The following ZBTB44 variants were observed in gnomAD, a reference collection of about 807,000 sequenced individuals.
The protein encoded by ZBTB44 is zinc finger and BTB domain containing 44, also known as zinc finger and BTB domain-containing protein 44.
Under a neutral mutation model 54.0 loss-of-function variants are expected in ZBTB44, and 15 were observed. That is an observed-to-expected ratio of 0.28 (90% CI 0.19 to 0.43). The LOEUF is 0.43. Ranked by LOEUF, ZBTB44 falls within the 20% of genes least tolerant of loss-of-function variation. ZBTB44 has a pLI of 1.00. For synonymous variants in ZBTB44, 230 were observed against 250.1 expected, an observed-to-expected ratio of 0.92 and a Z score of 0.76; for missense variants, 487 against 707.1, an observed-to-expected ratio of 0.69 and a Z score of 3.53.
chr11:130,283,236 C>T (rs1326177474), intron 1 of ZBTB44, among the ~76,000 whole-genome samples: 2 of 151,482 alleles, frequency 1.3e-5, no homozygotes, highest in African/African-American at 2.4e-5. Flanking sequence ...AGTAGAGAGG[C>T]GGTTTTGCCA....
chr11:130,274,682 G>A lies in ZBTB44; in HGVS notation c.-56-12753C>T, dbSNP rs529880316. 4.6e-5 allele frequency among the ~76,000 whole-genome samples: 7 copies of A among 152,022 alleles called. No individual in the cohort carries two copies. In the East Asian group the frequency reaches 1.2e-3, roughly 25 times the overall value. On this transcript the variant is annotated intron_variant, in intron 1 of 7. Coordinates refer to ENST00000357899, the MANE Select transcript of ZBTB44 (RefSeq NM_001301098.2). ...TAATTTTAAATGTTGAACTAGCCTT[G>A]GCAACCTGGAAAAAATCCCAGTTGA...
rs1277859788 is a variant in ZBTB44 at position 130,295,746 on chromosome 11, GC to G, written c.-57+18628del. 2.0e-5 allele frequency: 30 copies of G among 1,532,384 alleles called. No homozygotes were observed. The Admixed American group carries it at 4.9e-4, about 25-fold the overall frequency. 94.9% of individuals were successfully genotyped at this position (1,532,384 alleles called of 1,614,324 possible). On this transcript the variant is annotated intron_variant, in intron 1 of 7. Coordinates refer to ENST00000357899, the MANE Select transcript of ZBTB44 (RefSeq NM_001301098.2). ...AAAAACAGGCAGTGGTAAAACCCTG[GC>G]TTTTCTCAAACCTGCAGTAGAACTC...
At position 130,314,825 on chromosome 11, in the gene ZBTB44, G is replaced by C. The variant is rs1190296332; in HGVS notation, c.-507C>G. The C allele has an allele frequency of 6.9e-5, 4 of 57,722 alleles. No homozygotes were observed. Among genetic ancestry groups the C allele is most frequent in the African/African-American group, 2.3e-4 (3 of 13,098 alleles). The allele number at this position is 57,722 out of a possible 1,614,324, so 3.6% of individuals were successfully genotyped here. On this transcript the variant is annotated 5_prime_UTR_variant, in exon 1 of 8. Coordinates refer to ENST00000357899, the MANE Select transcript of ZBTB44 (RefSeq NM_001301098.2). Reference sequence around the variant, plus strand: ...GGGAGGGGAGGGGGAGGTTGGGAGGGAGCCGCCGCCGCGCGCGTGCGGCCG... The same window carrying C: ...GGGAGGGGAGGGGGAGGTTGGGAGGCAGCCGCCGCCGCGCGCGTGCGGCCG...
chr11:130,265,534 T>C (rs151184334), intron 1 of ZBTB44, among the ~76,000 whole-genome samples: 1 of 152,188 alleles, frequency 6.6e-6, no homozygotes, highest in African/African-American at 2.4e-5. Flanking sequence ...GGAAGGCATG[T>C]TGAGAGCTGA....
At position 130,273,246 on chromosome 11, in the gene ZBTB44, A is replaced by G. The variant is rs185621953; in HGVS notation, c.-56-11317T>C. 2.0e-5 allele frequency among the ~76,000 whole-genome samples: 3 copies of G among 151,430 alleles called. No individual in the cohort carries two copies. In the East Asian group the frequency reaches 5.8e-4, roughly 29 times the overall value. On this transcript the variant is annotated intron_variant, in intron 1 of 7. Coordinates refer to ENST00000357899, the MANE Select transcript of ZBTB44 (RefSeq NM_001301098.2). ...CAGCCATGTTGTAAGTTTTCAGAGT[A>G]TGAGTTTTTCTTTGTTAAATTTATT...
At chr11:130,295,845 A>C (rs968914129) in intron 1 of ZBTB44, 4 of 1,400,674 alleles carry the variant, frequency 2.9e-6, no homozygotes, top group Non-Finnish European at 3.0e-6. Context: ...TAGCCATGCA[A>C]ATTTTTGGTG....
Position 130,231,082 on chromosome 11 carries a change from G to A in ZBTB44, c.*682C>T, listed in dbSNP as rs1283189098. On this transcript the variant is annotated 3_prime_UTR_variant, in exon 8 of 8. Transcript: ENST00000357899. ...GGAATATTTATGTTTAGTTACACTGGTAATTTCTAATGAATGGGATAATAT... is the reference window on the plus strand; with the variant it reads ...GGAATATTTATGTTTAGTTACACTGATAATTTCTAATGAATGGGATAATAT... The A allele has an allele frequency of 6.6e-6, 1 of 152,050 alleles. No homozygotes were observed. Among genetic ancestry groups the A allele is most frequent in the African/African-American group, 2.4e-5 (1 of 41,424 alleles). The allele number at this position is 152,050 out of a possible 1,614,324, so 9.4% of individuals were successfully genotyped here. A position where few individuals can be genotyped will look rare whatever the true frequency, so the allele number is the denominator to read the frequency against.
intron 2 of ZBTB44, among the ~76,000 whole-genome samples, chr11:130,240,329 C>A (rs1014569142): frequency 6.6e-6 from 1 of 151,870 alleles, no homozygotes; most frequent in East Asian, 1.9e-4. Context: ...CGTGAGCCAC[C>A]GCACCCAGCC....
intron 1 of ZBTB44, chr11:130,295,790 C>A: frequency 7.0e-7 from 1 of 1,438,722 alleles, no homozygotes; most frequent in Non-Finnish European, 9.8e-7. Flanking sequence ...AAATTCATGC[C>A]CAGGAATGCA....
At chr11:130,253,893 G>A (rs1408899542) in intron 2 of ZBTB44, among the ~76,000 whole-genome samples, 1 of 152,178 alleles carries the variant, frequency 6.6e-6, no homozygotes, top group Admixed American at 6.5e-5. Flanking sequence ...GACCAGAACA[G>A]AGCCCTCAGA....
intron 1 of ZBTB44, among the ~76,000 whole-genome samples, chr11:130,266,044 C>A (rs925621869): frequency 1.3e-5 from 2 of 152,204 alleles, no homozygotes; most frequent in African/African-American, 4.8e-5. Flanking sequence ...AGGAATTTCA[C>A]AGCTAGAGAG....
At chr11:130,286,638 C>T (rs944153145) in intron 1 of ZBTB44, among the ~76,000 whole-genome samples, 6 of 152,218 alleles carry the variant, frequency 3.9e-5, no homozygotes, top group African/African-American at 4.8e-5. Context: ...TGACAGATTT[C>T]TTCACCTCAT....
At chr11:130,234,858 G>C (rs540139751) in intron 5 of ZBTB44, among the ~76,000 whole-genome samples, 3 of 152,124 alleles carry the variant, frequency 2.0e-5, no homozygotes, top group African/African-American at 7.2e-5. Flanking sequence ...CTTGAGATTG[G>C]TTATGTGATA....
chr11:130,235,849 A>G (rs1248480085), intron 5 of ZBTB44, among the ~76,000 whole-genome samples: 1 of 152,024 alleles, frequency 6.6e-6, no homozygotes, highest in East Asian at 1.9e-4. Flanking sequence ...TAAAAATACA[A>G]ATATTAGCTG....
chr11:130,255,667 GAAGA>G (rs750488711), intron 2 of ZBTB44, among the ~76,000 whole-genome samples: 87 of 152,030 alleles, frequency 5.7e-4, no homozygotes, highest in Non-Finnish European at 9.9e-4. Context: ...GATTAATAAA[GAAGA>G]GAGAGAATAA....
Position 130,261,078 on chromosome 11 carries a change from T to A in ZBTB44, c.796A>T (p.Met266Leu). Residue 266 changes from methionine (M) to leucine (L), a missense_variant, in exon 2 of 8, where the codon ATG becomes TTG. Physicochemically the swap from Met to Leu is conservative, Grantham distance 15. Coordinates refer to ENST00000357899, the MANE Select transcript of ZBTB44 (RefSeq NM_001301098.2). This position sits in a 1 kb window ranked among gnomAD's most constrained non-coding sequence, Gnocchi z 4.8. ...CTCTCACAAGTCACATAATCAGCCA[T>A]TCTTCTACCGGTCTCAGATGGGCCA... The part of the protein sequence containing the change: ...LPGPSETGRR[M>L]ADYVTCESTK... The A allele has an allele frequency of 6.2e-7, 1 of 1,614,046 alleles. No homozygotes were observed.
At chr11:130,244,049 G>C (rs908497433) in intron 2 of ZBTB44, among the ~76,000 whole-genome samples, 2 of 152,036 alleles carry the variant, frequency 1.3e-5, no homozygotes, top group Admixed American at 1.3e-4. Flanking sequence ...TTTGTGTTTT[G>C]GCAAATGTCT....
intron 1 of ZBTB44, among the ~76,000 whole-genome samples, chr11:130,274,822 C>A (rs898764421): frequency 1.3e-5 from 2 of 152,066 alleles, no homozygotes; most frequent in African/African-American, 4.8e-5. Flanking sequence ...CTGGAGTTTT[C>A]TTGTGACGTC....
At chr11:130,253,926 C>A (rs1591961896) in intron 2 of ZBTB44, among the ~76,000 whole-genome samples, 2 of 152,122 alleles carry the variant, frequency 1.3e-5, no homozygotes, top group South Asian at 4.1e-4. Flanking sequence ...CATCTACAAC[C>A]ATCTGATCTT....
Sources: gnomAD v4.1 joint callset for allele counts (sites outside exome capture counted in the v4.1 genomes callset) on GRCh38, gnomAD v4.1.1 for gene constraint, Gnocchi (gnomAD v3.1) non-coding constraint, MANE v1.5 for transcripts, NCBI Gene and HGNC (gene_info 2026-07-23, HGNC 2026-07-21) for gene names.